The following HTR3B variants were observed in gnomAD, a reference collection of about 807,000 sequenced individuals.
HTR3B encodes 5-hydroxytryptamine (serotonin) receptor 3B, ionotropic.
HTR3B carries 44 observed loss-of-function variants against 42.8 expected under a neutral mutation model. The ratio of observed to expected loss-of-function variants is 1.03; its 90% CI spans 0.81 to 1.32. The LOEUF (loss-of-function observed/expected upper bound fraction) is 1.32, where lower values mean the gene tolerates loss of function less well. Ranked by LOEUF, HTR3B falls within the 40% of genes most tolerant of loss-of-function variation. HTR3B has a pLI of 0.00. For synonymous variants in HTR3B, 203 were observed against 209.0 expected (o/e 0.97, Z 0.25); for missense variants, 527 against 536.5 (o/e 0.98, Z 0.17).
chr11:113,922,791 G>A (rs1456993802), intron 2 of HTR3B, among the ~76,000 whole-genome samples: 11 of 152,104 alleles, frequency 7.2e-5, no homozygotes, highest in African/African-American at 2.7e-4. Context: ...TCCTCACCTC[G>A]TGATCCGCCT....
chr11:113,944,878 G>A lies in HTR3B; in HGVS notation c.1090+123G>A, dbSNP rs555503393. On this transcript the variant is annotated intron_variant, in intron 8 of 8. Coordinates refer to ENST00000260191, the MANE Select transcript of HTR3B (RefSeq NM_006028.5). ...AAAAACCTACAACAACTGCTTCTTA[G>A]CCTGGGTGTGGCATTTTATATTATC... The A allele has an allele frequency of 7.2e-5, 59 of 818,652 alleles. No homozygotes were observed. The African/African-American group carries it at 9.3e-4, about 13-fold the overall frequency. The allele number at this position is 818,652 out of a possible 1,614,324, so 50.7% of individuals were successfully genotyped here.
chr11:113,918,549 C>T (rs1016874065), intron 2 of HTR3B, among the ~76,000 whole-genome samples: 12 of 151,320 alleles, frequency 7.9e-5, no homozygotes, highest in Non-Finnish European at 1.8e-4. Flanking sequence ...GCATAATTCC[C>T]TTATGGTCCA....
chr11:113,936,346 G>A (rs920100165), intron 6 of HTR3B, among the ~76,000 whole-genome samples: 1 of 152,080 alleles, frequency 6.6e-6, no homozygotes, highest in Non-Finnish European at 1.5e-5. Context: ...GTGTTTATTC[G>A]GGCAGGAATT....
rs1013876958 is a variant in HTR3B, at chr11:113,948,155, C to T, written c.*2018C>T. ...GAACAGGAAGTGTCCATGCAAACCT[C>T]CACCTGTTTCCTTCCTCACTTCCTA... On this transcript the variant is annotated 3_prime_UTR_variant, in exon 9 of 9. Coordinates refer to ENST00000260191, the MANE Select transcript of HTR3B (RefSeq NM_006028.5). 1.7e-4 allele frequency among the ~76,000 whole-genome samples: 26 copies of T among 152,200 alleles called. No individual in the cohort carries two copies. The highest frequency in any genetic ancestry group is 5.8e-4 in the African/African-American group (24 of 41,440).
intron 2 of HTR3B, among the ~76,000 whole-genome samples, chr11:113,922,765 C>T (rs111473828): frequency 0.048 from 7,244 of 151,844 alleles, 515 homozygotes; most frequent in East Asian, 0.29. Flanking sequence ...CCATGTTAGC[C>T]GGGATGGTCT....
At chr11:113,943,960 A>C (rs1950156633) in intron 7 of HTR3B, among the ~76,000 whole-genome samples, 1 of 151,342 alleles carries the variant, frequency 6.6e-6, no homozygotes, top group African/African-American at 2.4e-5. Context: ...TGGGAGGCTG[A>C]GGTGGGAGGA....
chr11:113,926,468 TTTTCCTTTCC>T (rs59706001), intron 2 of HTR3B, among the ~76,000 whole-genome samples: 2,339 of 80,290 alleles, frequency 0.029, 46 homozygotes, highest in Middle Eastern at 0.039. Flanking sequence ...CTTTCCTTTC[TTTTCCTTTCC>T]TTTCCTTTCC....
intron 2 of HTR3B, among the ~76,000 whole-genome samples, chr11:113,912,406 G>A (rs1382614025): frequency 6.6e-6 from 1 of 152,154 alleles, no homozygotes; most frequent in African/African-American, 2.4e-5. Flanking sequence ...ACGACGCCCA[G>A]CTAATTTTTT....
At chr11:113,937,865 C>T (rs546586495) in intron 6 of HTR3B, among the ~76,000 whole-genome samples, 2 of 152,346 alleles carry the variant, frequency 1.3e-5, no homozygotes, top group African/African-American at 4.8e-5. Context: ...CTCAAAACAA[C>T]AGAAATTCAT....
At chr11:113,922,643 C>T (rs1949927585) in intron 2 of HTR3B, among the ~76,000 whole-genome samples, 1 of 152,114 alleles carries the variant, frequency 6.6e-6, no homozygotes, top group African/African-American at 2.4e-5. Flanking sequence ...ACAAGCTCCG[C>T]CTCCTCGGTT....
chr11:113,899,479 T>C, the HTR3B span, among the ~76,000 whole-genome samples: 2 of 152,206 alleles, frequency 1.3e-5, no homozygotes, highest in Non-Finnish European at 2.9e-5. Context: ...AATATGTACA[T>C]CTGTCAAAAT....
At chr11:113,929,980 C>T (rs1325655261) in intron 2 of HTR3B, among the ~76,000 whole-genome samples, 4 of 152,180 alleles carry the variant, frequency 2.6e-5, no homozygotes, top group Non-Finnish European at 4.4e-5. Context: ...GATCCACCCA[C>T]GAGCCTCAGC....
At chr11:113,917,222 T>C (rs563610283) in intron 2 of HTR3B, among the ~76,000 whole-genome samples, 5 of 151,728 alleles carry the variant, frequency 3.3e-5, no homozygotes, top group Admixed American at 3.3e-4. Flanking sequence ...AAACTCCGCT[T>C]CCCGGGTTCA....
rs781675831 is a variant in HTR3B at position 113,932,373 on chromosome 11, G to A, written c.453G>A (p.Val151=). The stretch of plus-strand genomic sequence containing the variant: ...TTGAGAACTATAAGCCCATCCAGGT[G>A]GTCTCTGCGTGCAGTTTAGAGACAT... ...GTIENYKPIQ[V]VSACSLETYA... The change falls in exon 5 of 9, where the codon GTG becomes GTA. Residue 151 remains valine, a synonymous_variant. Coordinates refer to ENST00000260191, the MANE Select transcript of HTR3B (RefSeq NM_006028.5). 3 of 1,613,326 alleles carry A rather than the reference G, an allele frequency of 1.9e-6. No individual in the cohort carries two copies. The highest frequency in any genetic ancestry group is 2.2e-5 in the South Asian group (2 of 91,060).
chr11:113,900,786 G>T (rs999730031), upstream of HTR3B, among the ~76,000 whole-genome samples: 2 of 152,160 alleles, frequency 1.3e-5, no homozygotes, highest in Non-Finnish European at 2.9e-5. Flanking sequence ...CCATAGTTCT[G>T]CATGGCTGGG....
At chr11:113,925,776 G>A (rs1304301325) in intron 2 of HTR3B, among the ~76,000 whole-genome samples, 1 of 152,046 alleles carries the variant, frequency 6.6e-6, no homozygotes, top group African/African-American at 2.4e-5. Flanking sequence ...TTCTTTAATA[G>A]TATGCATCAG....
intron 2 of HTR3B, among the ~76,000 whole-genome samples, chr11:113,921,556 T>C (rs1394165915): frequency 6.6e-6 from 1 of 151,554 alleles, no homozygotes; most frequent in East Asian, 2.0e-4. Flanking sequence ...GAGGCAGAGA[T>C]TGCAGTGAGC....
In HTR3B at chr11:113,944,577, C is replaced by T; in HGVS notation, c.912C>T (p.His304=). 1 of 1,613,908 alleles carries T rather than the reference C, an allele frequency of 6.2e-7. No homozygotes were observed. The highest frequency in any genetic ancestry group is 8.5e-7 in the Non-Finnish European group (1 of 1,179,810). ...ACCTCTTCTGGCTTCTCTCAGGGCACTTCTTCACCATCTGCATGGCCTTCT... is the reference window on the plus strand; with the variant it reads ...ACCTCTTCTGGCTTCTCTCAGGGCATTTCTTCACCATCTGCATGGCCTTCT... The part of the protein sequence containing the change: ...RSVGSTPLIG[H]FFTICMAFLV... Residue 304 remains histidine, a synonymous_variant, in exon 8 of 9, where the codon CAC becomes CAT. Transcript: ENST00000260191.
At position 113,931,796 on chromosome 11, in the gene HTR3B, GT is replaced by G; in HGVS notation, c.300del (p.Phe100LeufsTer11). On this transcript the variant is annotated frameshift_variant, in exon 4 of 9. Coordinates refer to ENST00000260191, the MANE Select transcript of HTR3B (RefSeq NM_006028.5). LOFTEE classifies it high-confidence loss of function. Reference sequence around the variant, plus strand: ...AATTTTTATCCTGGAACTCCAGCATGTTTGATGAGATTAGAGAGATCTCCCT... The same window carrying G: ...AATTTTTATCCTGGAACTCCAGCATGTTGATGAGATTAGAGAGATCTCCCT... ...DEFLSWNSSM[F>X]DEIREISLPL... The G allele has an allele frequency of 1.2e-6, 2 of 1,612,972 alleles. No homozygotes were observed. The highest frequency in any genetic ancestry group is 1.7e-5 in the Admixed American group (1 of 60,016).
Sources: allele counts gnomAD v4.1 joint callset (sites outside exome capture counted in the v4.1 genomes callset), GRCh38; gene constraint gnomAD v4.1.1; transcripts MANE v1.5; gene names NCBI Gene and HGNC (gene_info 2026-07-23, HGNC 2026-07-21).